The following NCOA3 variants were observed in gnomAD, a reference collection of about 807,000 sequenced individuals.
The protein encoded by NCOA3 is nuclear receptor coactivator 3, also known as CBP-interacting protein.
Under a neutral mutation model 158.8 loss-of-function variants are expected in NCOA3, and 51 were observed. The observed-to-expected ratio is 0.32, with a 90% CI of 0.26 to 0.41. The LOEUF (loss-of-function observed/expected upper bound fraction) is 0.41. Ranked by LOEUF, NCOA3 falls within the 10% of genes least tolerant of loss-of-function variation. The pLI, the probability that NCOA3 is intolerant of heterozygous loss-of-function variation, is 1.00. For synonymous variants in NCOA3, 537 were observed against 592.4 expected, an observed-to-expected ratio of 0.91 and a Z score of 1.36; for missense variants, 1,510 against 1,746.6, an observed-to-expected ratio of 0.86 and a Z score of 2.41.
At chr20:47,641,983 T>G (rs1343535672) in intron 16 of NCOA3, among the ~76,000 whole-genome samples, 5 of 152,054 alleles carry the variant, frequency 3.3e-5, no homozygotes, top group Non-Finnish European at 7.4e-5. Context: ...GGTGTTGGGA[T>G]TGGGGGTTTA....
At chr20:47,625,019 C>T (rs1258913689) in intron 4 of NCOA3, among the ~76,000 whole-genome samples, 5 of 152,092 alleles carry the variant, frequency 3.3e-5, no homozygotes, top group Admixed American at 1.3e-4. Context: ...GTGATCCACC[C>T]GCCTCAGCCT....
intron 1 of NCOA3, among the ~76,000 whole-genome samples, chr20:47,516,611 A>C (rs1285464029): frequency 6.6e-6 from 1 of 152,126 alleles, no homozygotes; most frequent in Non-Finnish European, 1.5e-5. Context: ...TTAGACAATA[A>C]AAAACAAAGG....
intron 1 of NCOA3, among the ~76,000 whole-genome samples, chr20:47,568,152 A>G (rs1160497014): frequency 6.6e-6 from 1 of 152,254 alleles, no homozygotes; most frequent in Non-Finnish European, 1.5e-5. Context: ...AAGACCAGGC[A>G]ACAAGCTGCT....
rs755173294 is a variant in NCOA3, at chr20:47,542,009, G to GTTTTTTTTTTTTTTTTTTTTTTTTTTTT, written c.-99+40011_-99+40012insTTTTTTTTTTTTTTTTTTTTTTTTTTTT. Reference sequence around the variant, plus strand: ...ATCAAATTATTTTTTGCCCTGTAGAGTTTTTTTTTTTTTTTTTTTTTGTTG... The same window carrying GTTTTTTTTTTTTTTTTTTTTTTTTTTTT: ...ATCAAATTATTTTTTGCCCTGTAGAGTTTTTTTTTTTTTTTTTTTTTTTTTTTTTTTTTTTTTTTTTTTTTTTTTGTTG... On this transcript the variant is annotated intron_variant, in intron 1 of 22. Transcript: ENST00000371998. Among the ~76,000 whole-genome samples, 16 of 56,352 alleles carry GTTTTTTTTTTTTTTTTTTTTTTTTTTTT rather than the reference G, an allele frequency of 2.8e-4. 1 individual carries two copies. Among genetic ancestry groups the GTTTTTTTTTTTTTTTTTTTTTTTTTTTT allele is most frequent in the African/African-American group, 5.9e-4 (8 of 13,482 alleles). 37.0% of individuals were successfully genotyped at this position (56,352 alleles called of 152,430 possible).
At chr20:47,593,502 C>T (rs1201314180) in intron 2 of NCOA3, among the ~76,000 whole-genome samples, 6 of 151,524 alleles carry the variant, frequency 4.0e-5, no homozygotes, top group Admixed American at 1.3e-4. Flanking sequence ...CCACCACGCC[C>T]GGCTAATTTT....
chr20:47,619,321 T>C (rs1298969457), intron 2 of NCOA3, among the ~76,000 whole-genome samples: 2 of 152,152 alleles, frequency 1.3e-5, no homozygotes, highest in Non-Finnish European at 2.9e-5. Context: ...AAATAATATC[T>C]AGAATGTGGA....
chr20:47,585,105 G>A (rs1437400474), intron 2 of NCOA3, among the ~76,000 whole-genome samples: 1 of 141,750 alleles, frequency 7.1e-6, no homozygotes, highest in East Asian at 2.1e-4. Flanking sequence ...AGGCTGGAGT[G>A]CAGTGGTGTG....
intron 2 of NCOA3, among the ~76,000 whole-genome samples, chr20:47,613,080 T>C (rs1024292600): frequency 6.6e-6 from 1 of 152,214 alleles, no homozygotes; most frequent in Non-Finnish European, 1.5e-5. Flanking sequence ...TAATTTACAT[T>C]CAGATGCTTT....
chr20:47,546,781 C>T (rs1057169456), intron 1 of NCOA3, among the ~76,000 whole-genome samples: 4 of 152,008 alleles, frequency 2.6e-5, no homozygotes, highest in Admixed American at 6.6e-5. Flanking sequence ...TCTTCCCGCC[C>T]TGGCCTCCCA....
intron 1 of NCOA3, among the ~76,000 whole-genome samples, chr20:47,538,915 A>G (rs1216116966): frequency 6.6e-6 from 1 of 152,222 alleles, no homozygotes; most frequent in Non-Finnish European, 1.5e-5. Flanking sequence ...TTATATTCTC[A>G]CTTTTCCCTG....
chr20:47,540,636 G>T (rs1196173735), intron 1 of NCOA3, among the ~76,000 whole-genome samples: 2 of 151,976 alleles, frequency 1.3e-5, no homozygotes, highest in African/African-American at 4.8e-5. Context: ...CTGTGGGTCT[G>T]TGTGTATACA....
intron 1 of NCOA3, among the ~76,000 whole-genome samples, chr20:47,507,886 TGG>T (rs1368609861): frequency 6.6e-6 from 1 of 152,196 alleles, no homozygotes. Context: ...CCCAAAGTGC[TGG>T]AATTACAGGT....
intron 1 of NCOA3, among the ~76,000 whole-genome samples, chr20:47,580,771 G>A (rs943780633): frequency 2.6e-5 from 4 of 151,822 alleles, no homozygotes; most frequent in Non-Finnish European, 5.9e-5. Flanking sequence ...CATCTTACAC[G>A]AATTAAATTG....
chr20:47,504,193 T>C (rs1373447653), intron 1 of NCOA3, among the ~76,000 whole-genome samples: 1 of 152,224 alleles, frequency 6.6e-6, no homozygotes, highest in Admixed American at 6.5e-5. Context: ...AGAGCTAGGT[T>C]ATTAAAGATT....
intron 1 of NCOA3, among the ~76,000 whole-genome samples, chr20:47,525,106 G>A (rs2084406408): frequency 6.9e-6 from 1 of 144,718 alleles, no homozygotes; most frequent in African/African-American, 2.6e-5. Context: ...GTGTCCCTGG[G>A]TACTTGAGAT....
intron 1 of NCOA3, among the ~76,000 whole-genome samples, chr20:47,535,473 G>A (rs186953684): frequency 6.6e-6 from 1 of 152,070 alleles, no homozygotes; most frequent in African/African-American, 2.4e-5. Flanking sequence ...TGGAAAGATC[G>A]GATCACACAC....
chr20:47,592,276 C>A lies in NCOA3; in HGVS notation c.-20+9015C>A, dbSNP rs185507268. Among the ~76,000 whole-genome samples the A allele has an allele frequency of 4.2e-4, 64 of 152,270 alleles. No homozygotes were observed. The East Asian group carries it at 0.012, about 29-fold the overall frequency. On this transcript the variant is annotated intron_variant, in intron 2 of 22. Transcript: ENST00000371998. ...GCCAGGCTGGTCTTGAACTCCTGAC[C>A]TCAGGTGATCCATCTGCCCCAGCCT... is the stretch of plus-strand genomic sequence containing the variant.
In NCOA3 at chr20:47,633,944, G is replaced by A. The variant is rs1033671821; in HGVS notation, c.965-104G>A. ...TTTGGTGCAGATCCAGTCTTTCCTT[G>A]GATTTTTAGAAATGTACTTGAAGTA... On this transcript the variant is annotated intron_variant, in intron 9 of 22. Transcript: ENST00000371998. 2.8e-6 allele frequency: 4 copies of A among 1,405,374 alleles called. No individual in the cohort carries two copies. The African/African-American group carries it at 5.8e-5, about 20-fold the overall frequency. The allele number at this position is 1,405,374 out of a possible 1,614,324, so 87.1% of individuals were successfully genotyped here.
chr20:47,560,647 T>C (rs549580987), intron 1 of NCOA3, among the ~76,000 whole-genome samples: 24 of 152,320 alleles, frequency 1.6e-4, no homozygotes, highest in African/African-American at 5.8e-4. Flanking sequence ...TAATAACAGA[T>C]GATGTTCAGC....
Sources: gnomAD v4.1 joint callset for allele counts (sites outside exome capture counted in the v4.1 genomes callset) on GRCh38, gnomAD v4.1.1 for gene constraint, MANE v1.5 for transcripts, NCBI Gene and HGNC (gene_info 2026-07-23, HGNC 2026-07-21) for gene names.